ROS1: variants seen among roughly 807,000 people sequenced by gnomAD.
ROS1 encodes the protein proto-oncogene tyrosine-protein kinase ROS.
ROS1 carries 263 observed loss-of-function variants against 273.5 expected under a neutral mutation model. That is an observed-to-expected ratio of 0.96 (90% CI 0.87 to 1.06). The LOEUF is 1.06. Ranked by LOEUF, ROS1 falls within the 50% of genes least tolerant of loss-of-function variation. The pLI is 0.00. For missense variants in ROS1, 2,833 were observed against 2,751.1 expected (o/e 1.03, Z -0.67); for synonymous variants, 1,008 against 954.1 (o/e 1.06, Z -1.04).
Position 117,288,207 on chromosome 6 carries a change from G to A in ROS1, c.*285C>T. The A allele has an allele frequency of 2.3e-6, 1 of 434,910 alleles. No homozygotes were observed. Among genetic ancestry groups the A allele is most frequent in the Non-Finnish European group, 4.1e-6 (1 of 245,082 alleles). 26.9% of individuals were successfully genotyped at this position (434,910 alleles called of 1,614,324 possible). A position where few individuals can be genotyped will look rare whatever the true frequency, so the allele number is the denominator to read the frequency against. On this transcript the variant is annotated 3_prime_UTR_variant, in exon 44 of 44. Coordinates refer to ENST00000368507, the MANE Select transcript of ROS1 (RefSeq NM_001378902.1). The stretch of plus-strand genomic sequence containing the variant: ...TGGGTAAGAGCCTAAAGCACCTCAA[G>A]GGAGAAGGGAGAGCAGTGTTTCCCT...
chr6:117,415,658 A>C (rs535948013), intron 3 of ROS1, among the ~76,000 whole-genome samples: 29 of 152,368 alleles, frequency 1.9e-4, no homozygotes, highest in African/African-American at 7.0e-4. Context: ...GCCAGGCTAC[A>C]TAATAAAATG....
intron 21 of ROS1, 88 bp from the exon 22 acceptor site, chr6:117,362,953 C>G: frequency 8.9e-7 from 1 of 1,120,362 alleles, no homozygotes; most frequent in Non-Finnish European, 1.2e-6. Flanking sequence ...AGATTGTAAA[C>G]AACTTAACAA....
chr6:117,378,083 G>A (rs1045499053), intron 18 of ROS1, among the ~76,000 whole-genome samples: 1 of 152,164 alleles, frequency 6.6e-6, no homozygotes, highest in African/African-American at 2.4e-5. Context: ...TTATGGGAAT[G>A]TAAAATGGCA....
chr6:117,409,497 T>A (rs1774720637), intron 5 of ROS1, 85 bp downstream of exon 5: 1 of 909,328 alleles, frequency 1.1e-6, no homozygotes, highest in Non-Finnish European at 1.8e-6. Flanking sequence ...CAAGATGTTT[T>A]GAGAGGTGTT....
At chr6:117,420,624 G>T (rs947671060) in intron 1 of ROS1, among the ~76,000 whole-genome samples, 6 of 149,610 alleles carry the variant, frequency 4.0e-5, no homozygotes, top group African/African-American at 1.5e-4. Context: ...AATAATAAAT[G>T]GAACAGAGCA....
chr6:117,301,943 T>C (rs1582555249), intron 42 of ROS1, among the ~76,000 whole-genome samples: 1 of 152,308 alleles, frequency 6.6e-6, no homozygotes, highest in Middle Eastern at 3.4e-3. Flanking sequence ...CACTCTTAAG[T>C]AGTATTCATT....
At chr6:117,373,325 C>T (rs972633665) in intron 18 of ROS1, among the ~76,000 whole-genome samples, 9 of 152,232 alleles carry the variant, frequency 5.9e-5, no homozygotes, top group African/African-American at 1.9e-4. Flanking sequence ...TGGGATCGGG[C>T]GCCACGGAGC....
chr6:117,323,040 C>G (rs1479866717), intron 35 of ROS1, among the ~76,000 whole-genome samples: 1 of 152,138 alleles, frequency 6.6e-6, no homozygotes, highest in Non-Finnish European at 1.5e-5. Context: ...AGCAGACAAG[C>G]AGTCAAGCCT....
intron 32 of ROS1, among the ~76,000 whole-genome samples, chr6:117,330,480 G>A (rs1388082411): frequency 4.6e-5 from 7 of 152,308 alleles, no homozygotes; most frequent in Non-Finnish European, 8.8e-5. Flanking sequence ...AAAGTGCTTC[G>A]TTAAATGGGT....
chr6:117,342,261 A>G, intron 29 of ROS1, 139 bp downstream of exon 29: 1 of 793,770 alleles, frequency 1.3e-6, no homozygotes, highest in East Asian at 2.7e-5. Flanking sequence ...AGTTTTCTAC[A>G]AACACATTTT....
intron 3 of ROS1, among the ~76,000 whole-genome samples, 164 bp downstream of exon 3, chr6:117,416,094 A>G (rs1775310250): frequency 6.6e-6 from 1 of 152,156 alleles, no homozygotes; most frequent in Non-Finnish European, 1.5e-5. Flanking sequence ...CTTTTCCATT[A>G]CTATGTATTA....
intron 27 of ROS1, among the ~76,000 whole-genome samples, chr6:117,350,995 T>C (rs545910875): frequency 1.3e-5 from 2 of 152,366 alleles, no homozygotes; most frequent in Non-Finnish European, 2.9e-5. Flanking sequence ...ATGATTGTGA[T>C]AGTTCCTCTA....
At chr6:117,332,701 C>A (rs1459399516) in intron 32 of ROS1, among the ~76,000 whole-genome samples, 1 of 152,174 alleles carries the variant, frequency 6.6e-6, no homozygotes, top group East Asian at 1.9e-4. Flanking sequence ...TCACTCAAAA[C>A]CACACAATTT....
chr6:117,415,070 T>C (rs1775236245), intron 3 of ROS1, among the ~76,000 whole-genome samples: 1 of 152,130 alleles, frequency 6.6e-6, no homozygotes, highest in Admixed American at 6.5e-5. Context: ...GAGATAACAA[T>C]CTAAAAAAGA....
At chr6:117,377,347 G>A (rs1484955104) in intron 18 of ROS1, among the ~76,000 whole-genome samples, 1 of 152,002 alleles carries the variant, frequency 6.6e-6, no homozygotes, top group Non-Finnish European at 1.5e-5. Context: ...CTGACCTTAG[G>A]CTATCCACCC....
intron 18 of ROS1, among the ~76,000 whole-genome samples, chr6:117,373,227 C>T (rs1191484439): frequency 1.3e-5 from 2 of 152,250 alleles, no homozygotes; most frequent in African/African-American, 2.4e-5. Context: ...TCTGGCTTCG[C>T]CTAGTGGATC....
intron 39 of ROS1, among the ~76,000 whole-genome samples, chr6:117,311,541 G>A (rs144370245): frequency 1.3e-5 from 2 of 152,170 alleles, no homozygotes; most frequent in Non-Finnish European, 2.9e-5. Context: ...ATGGCTGGTC[G>A]ATAACAGGCA....
chr6:117,360,813 T>C (rs1324478600), intron 22 of ROS1, among the ~76,000 whole-genome samples: 1 of 152,076 alleles, frequency 6.6e-6, no homozygotes, highest in Non-Finnish European at 1.5e-5. Flanking sequence ...TTAAATAAAG[T>C]AAGGTCATTA....
chr6:117,418,383 T>C (rs1354721347), intron 2 of ROS1, 79 bp downstream of exon 2: 2 of 973,218 alleles, frequency 2.1e-6, no homozygotes, highest in Non-Finnish European at 3.1e-6. Context: ...CAATTCTTAC[T>C]GTGATAAAAT....
Sources: gnomAD v4.1 joint callset for allele counts (sites outside exome capture counted in the v4.1 genomes callset) on GRCh38, gnomAD v4.1.1 for gene constraint, MANE v1.5 for transcripts, NCBI Gene and HGNC (gene_info 2026-07-23, HGNC 2026-07-21) for gene names.